Variants in TRIP13 observed in about 807,000 individuals in gnomAD.
The protein encoded by TRIP13 is thyroid hormone receptor interactor 13, also known as pachytene checkpoint protein 2 homolog.
A neutral mutation model predicts 54.4 loss-of-function variants in TRIP13; 25 were observed. That is an observed-to-expected ratio of 0.46 (90% CI 0.33 to 0.64). The LOEUF is 0.64. TRIP13 is among the 30% of genes least tolerant of loss of function. The pLI is 0.02. For missense variants in TRIP13, 373 were observed against 534.2 expected (o/e 0.70, Z 2.97); for synonymous variants, 207 against 207.8 (o/e 1.00, Z 0.03).
intron 4 of TRIP13, among the ~76,000 whole-genome samples, chr5:900,956 A>G (rs1367973908): frequency 1.3e-5 from 2 of 151,878 alleles, no homozygotes; most frequent in Non-Finnish European, 2.9e-5. Flanking sequence ...GTCTGAGACT[A>G]TCACTCAGAC....
rs1257366407 is a variant in TRIP13 at position 907,334 on chromosome 5, G to A, written c.672+141G>A. ...TGAGGATTGGGGCTGACTGTGATCAGAGAAGGTTCCGGAGCTGGGGCCCTT... is the reference window on the plus strand; with the variant it reads ...TGAGGATTGGGGCTGACTGTGATCAAAGAAGGTTCCGGAGCTGGGGCCCTT... On this transcript the variant is annotated intron_variant, in intron 7 of 12. Transcript: ENST00000166345. This position sits in a 1 kb window ranked among gnomAD's most constrained non-coding sequence, Gnocchi z 4.1. 2.6e-6 allele frequency: 2 copies of A among 770,942 alleles called. No homozygotes were observed. Among genetic ancestry groups the A allele is most frequent in the Non-Finnish European group, 4.2e-6 (2 of 473,152 alleles). 47.8% of individuals were successfully genotyped at this position (770,942 alleles called of 1,614,324 possible). A position where few individuals can be genotyped will look rare whatever the true frequency, so the allele number is the denominator to read the frequency against.
intron 5 of TRIP13, among the ~76,000 whole-genome samples, chr5:902,310 T>C (rs1003476462): frequency 9.9e-5 from 15 of 152,196 alleles, no homozygotes; most frequent in Non-Finnish European, 1.9e-4. Context: ...ACTTGGCTTC[T>C]TTAAGTCAGT....
rs1753865802 is a variant in TRIP13 at position 894,640 on chromosome 5, A to G, written c.93-147A>G. ...GGACCCACAGGCAAGGGGTGGCTCT[A>G]GATTTGGTCCCAGGCAGGCCAACTC... On this transcript the variant is annotated intron_variant, in intron 1 of 12. Transcript: ENST00000166345. The G allele has an allele frequency of 4.8e-6, 4 of 829,646 alleles. No individual in the cohort carries two copies. In the Admixed American group the frequency reaches 9.9e-5, roughly 21 times the overall value. The allele number at this position is 829,646 out of a possible 1,614,324, so 51.4% of individuals were successfully genotyped here. A position where few individuals can be genotyped will look rare whatever the true frequency, so the allele number is the denominator to read the frequency against.
rs768584436 is a variant in TRIP13, at chr5:912,027, A to C, written c.1020+31A>C. ...TTTATTTTTTTTTTCCTCTTGATAC[A>C]AATGGATTTCTTATATGTTCTTAAT... On this transcript the variant is annotated intron_variant, in intron 10 of 12. Transcript: ENST00000166345. The surrounding 1 kb of genome is among the most constrained non-coding windows in gnomAD (Gnocchi z 7.2). 4 of 1,594,466 alleles carry C rather than the reference A, an allele frequency of 2.5e-6. No homozygotes were observed. In the South Asian group the frequency reaches 4.5e-5, roughly 18 times the overall value.
chr5:893,919 C>T (rs1753797281), intron 1 of TRIP13, among the ~76,000 whole-genome samples: 1 of 152,122 alleles, frequency 6.6e-6, no homozygotes, highest in African/African-American at 2.4e-5. Flanking sequence ...GACACCTGTA[C>T]ACAGTGCCAC....
chr5:901,904 T>G (rs1230341619), intron 5 of TRIP13, among the ~76,000 whole-genome samples: 2 of 152,226 alleles, frequency 1.3e-5, no homozygotes, highest in East Asian at 3.8e-4. Context: ...ATTACAGGCT[T>G]GAGCCACCGC....
Position 917,559 on chromosome 5 carries a change from A to G in TRIP13, c.*456A>G, listed in dbSNP as rs143500255. The G allele has an allele frequency of 2.5e-3, 377 of 152,646 alleles. 1 individual carries two copies. The highest frequency in any genetic ancestry group is 4.2e-3 in the Non-Finnish European group (287 of 68,244). The allele number at this position is 152,646 out of a possible 1,614,324, so 9.5% of individuals were successfully genotyped here. ...ACATTACTCCAGGTGGAAGGTGGCA[A>G]TTGCTTTCTGATATCAGCTCGTTTG... On this transcript the variant is annotated 3_prime_UTR_variant, in exon 13 of 13. Coordinates refer to ENST00000166345, the MANE Select transcript of TRIP13 (RefSeq NM_004237.4).
chr5:911,520 G>T lies in TRIP13; in HGVS notation c.867-323G>T, dbSNP rs569341875. Among the ~76,000 whole-genome samples, 1 of 151,564 alleles carries T rather than the reference G, an allele frequency of 6.6e-6. No homozygotes were observed. On this transcript the variant is annotated intron_variant, in intron 9 of 12. Transcript: ENST00000166345. The surrounding 1 kb of genome is among the most constrained non-coding windows in gnomAD (Gnocchi z 4.7). The stretch of plus-strand genomic sequence containing the variant: ...GGCGAGGCGGAGCTTGCAGTGAGCC[G>T]AGATAGCACCACTGCACTCCAGCCT...
chr5:900,303 A>G (rs1054781526), intron 3 of TRIP13, among the ~76,000 whole-genome samples, 191 bp from the exon 4 acceptor site: 1 of 152,228 alleles, frequency 6.6e-6, no homozygotes, highest in South Asian at 2.1e-4. Flanking sequence ...TTTATTTTGC[A>G]TCTTTGATTT....
chr5:905,513 G>A (rs971244968), intron 6 of TRIP13, among the ~76,000 whole-genome samples: 10 of 152,054 alleles, frequency 6.6e-5, no homozygotes, highest in Non-Finnish European at 1.2e-4. Flanking sequence ...CTGTCTCCTC[G>A]ACTCAGCGAG....
chr5:896,728 A>C lies in TRIP13; in HGVS notation c.322A>C (p.Ser108Arg). 2 of 1,614,008 alleles carry C rather than the reference A, an allele frequency of 1.2e-6. No individual in the cohort carries two copies. Among genetic ancestry groups the C allele is most frequent in the Non-Finnish European group, 1.7e-6 (2 of 1,179,908 alleles). Residue 108 changes from serine to arginine, a missense_variant, in exon 3 of 13, where the codon AGC becomes CGC. Around this residue, in one of 4 missense-constraint regions of TRIP13, gnomAD observed 151 missense variants for 151.9 expected, o/e 0.99. Transcript: ENST00000166345. ...HIFQLNEDGP[S>R]SENLEEETEN... ...TTTCCAGCTGAATGAAGATGGCCCC[A>C]GCAGTGAAAATCTGGAGGAAGAGAC... is the stretch of plus-strand genomic sequence containing the variant.
chr5:911,807 G>T lies in TRIP13; in HGVS notation c.867-36G>T. ...GGATAGAATTGGGTCACCGACAGCC[G>T]TGATGACTGTGGTGCTTGCTTCTCG... is the stretch of plus-strand genomic sequence containing the variant. On this transcript the variant is annotated intron_variant, in intron 9 of 12. Coordinates refer to ENST00000166345, the MANE Select transcript of TRIP13 (RefSeq NM_004237.4). This position sits in a 1 kb window ranked among gnomAD's most constrained non-coding sequence, Gnocchi z 4.7. 1 of 1,589,252 alleles carries T rather than the reference G, an allele frequency of 6.3e-7. No individual in the cohort carries two copies.
chr5:910,353 G>C (rs922191316), intron 9 of TRIP13, among the ~76,000 whole-genome samples: 1 of 152,170 alleles, frequency 6.6e-6, no homozygotes, highest in Non-Finnish European at 1.5e-5. Flanking sequence ...CAGCCTGTCT[G>C]TGGCCTTCTC....
chr5:904,172 C>G lies in TRIP13; in HGVS notation c.560C>G (p.Ser187Cys). ...LHGPPGTGKT[S>C]LCKALAQKLT... is the part of the protein sequence containing the mutation. ...GGTCCTCCTGGCACTGGAAAAACAT[C>G]CCTGTGTAAAGCGTTAGCCCAGAAA... The change falls in exon 6 of 13, where the codon TCC becomes TGC. Residue 187 changes from serine (S) to cysteine (C), a missense_variant. Physicochemically the swap from Ser to Cys is moderately radical, Grantham distance 112. Around this residue, in one of 4 missense-constraint regions of TRIP13, gnomAD observed 119 missense variants for 223.0 expected, o/e 0.53. Coordinates refer to ENST00000166345, the MANE Select transcript of TRIP13 (RefSeq NM_004237.4). 1 of 1,609,182 alleles carries G rather than the reference C, an allele frequency of 6.2e-7. No homozygotes were observed. The highest frequency in any genetic ancestry group is 1.7e-4 in the Middle Eastern group (1 of 6,058).
rs1270381751 is a variant in TRIP13 at position 896,800 on chromosome 5, G to C, written c.388+6G>C. 2 of 1,612,506 alleles carry C rather than the reference G, an allele frequency of 1.2e-6. No homozygotes were observed. The highest frequency in any genetic ancestry group is 1.7e-6 in the Non-Finnish European group (2 of 1,179,098). The stretch of plus-strand genomic sequence containing the variant: ...TCACTGGGTTCTACCTGCAGGTATG[G>C]GGTGTGATGGGAGTTGAAGGGGAGG... On this transcript the variant is annotated splice_donor_region_variant and intron_variant, in intron 3 of 12. Coordinates refer to ENST00000166345, the MANE Select transcript of TRIP13 (RefSeq NM_004237.4).
Position 913,719 on chromosome 5 carries a change from A to G in TRIP13, c.1021-746A>G, listed in dbSNP as rs1281439709. Reference sequence around the variant, plus strand: ...TTAAGACATGCAGATGTCACAGTGGATATTGAACTGGTCTCGAAAGCTCAA... The same window carrying G: ...TTAAGACATGCAGATGTCACAGTGGGTATTGAACTGGTCTCGAAAGCTCAA... On this transcript the variant is annotated intron_variant, in intron 10 of 12. Transcript: ENST00000166345. This position sits in a 1 kb window ranked among gnomAD's most constrained non-coding sequence, Gnocchi z 4.5. 6.6e-6 allele frequency among the ~76,000 whole-genome samples: 1 copy of G among 152,170 alleles called. No homozygotes were observed. Among genetic ancestry groups the G allele is most frequent in the African/African-American group, 2.4e-5 (1 of 41,444 alleles).
chr5:904,934 T>G (rs974493362), intron 6 of TRIP13, among the ~76,000 whole-genome samples: 2 of 152,230 alleles, frequency 1.3e-5, no homozygotes, highest in African/African-American at 4.8e-5. Context: ...ATCATGATTG[T>G]CATTTCTGAT....
chr5:908,534 T>C lies in TRIP13; in HGVS notation c.866+73T>C, dbSNP rs60113694. Reference sequence around the variant, plus strand: ...GTCCCAAAGAAATGCGTGATACTTGTGCAACCCTAGATCTTAGTGCCCAGC... The same window carrying C: ...GTCCCAAAGAAATGCGTGATACTTGCGCAACCCTAGATCTTAGTGCCCAGC... On this transcript the variant is annotated intron_variant, in intron 9 of 12. Transcript: ENST00000166345. This position sits in a 1 kb window ranked among gnomAD's most constrained non-coding sequence, Gnocchi z 5.2. 16,739 of 1,594,008 alleles carry C rather than the reference T, an allele frequency of 0.011. 1,048 individuals are homozygous for C. The African/African-American group carries it at 0.16, about 16-fold the overall frequency.
Position 917,324 on chromosome 5 carries a change from T to G in TRIP13, c.*221T>G. The G allele has an allele frequency of 2.1e-6, 1 of 482,340 alleles. No homozygotes were observed. Among genetic ancestry groups the G allele is most frequent in the Non-Finnish European group, 3.7e-6 (1 of 272,540 alleles). 29.9% of individuals were successfully genotyped at this position (482,340 alleles called of 1,614,324 possible). ...GAGACAAACATCTTGTCATTTTCAC[T>G]GTTTGTAAAAGATAATTCAGATTGT... On this transcript the variant is annotated 3_prime_UTR_variant, in exon 13 of 13. Coordinates refer to ENST00000166345, the MANE Select transcript of TRIP13 (RefSeq NM_004237.4).
Sources: allele counts gnomAD v4.1 joint callset (sites outside exome capture counted in the v4.1 genomes callset), GRCh38; gene constraint gnomAD v4.1.1; regional missense constraint gnomAD v4.1.1; non-coding constraint Gnocchi (gnomAD v3.1); transcripts MANE v1.5; gene names NCBI Gene and HGNC (gene_info 2026-07-23, HGNC 2026-07-21).